Variants in ROBO2 observed in about 807,000 individuals in gnomAD.
ROBO2 encodes the protein roundabout guidance receptor 2, also known as roundabout homolog 2.
A neutral mutation model predicts 160.8 loss-of-function variants in ROBO2; 53 were observed. That is an observed-to-expected ratio of 0.33 (90% CI 0.26 to 0.41). ROBO2 has a LOEUF of 0.41. Ranked by LOEUF, ROBO2 falls within the 10% of genes least tolerant of loss-of-function variation. The probability of loss-of-function intolerance (pLI) is 1.00; values close to 1 mark genes in which losing one functional copy is unlikely to be tolerated. For synonymous variants in ROBO2, 664 were observed against 611.7 expected (o/e 1.09, Z -1.26); for missense variants, 1,577 against 1,722.4 (o/e 0.92, Z 1.49).
In ROBO2 at chr3:77,024,768, C is replaced by T. The variant is rs560529802; in HGVS notation, c.110-73246C>T. Among the ~76,000 whole-genome samples the T allele has an allele frequency of 2.6e-5, 4 of 152,226 alleles. 1 individual carries two copies. In the South Asian group the frequency reaches 8.3e-4, roughly 32 times the overall value. On this transcript the variant is annotated intron_variant, in intron 2 of 26. Transcript: ENST00000487694. ...TTTTATCACATGAATCTCAGTATGA[C>T]CATTCTCGAGCATTTTCGAATGTTA...
At chr3:77,173,063 A>G (rs972033000) in intron 2 of ROBO2, among the ~76,000 whole-genome samples, 4 of 152,224 alleles carry the variant, frequency 2.6e-5, no homozygotes, top group Non-Finnish European at 4.4e-5. Flanking sequence ...AAGGTAAATC[A>G]ACATGGCAGA....
intron 20 of ROBO2, among the ~76,000 whole-genome samples, chr3:77,607,186 T>A (rs993282315): frequency 6.6e-6 from 1 of 152,192 alleles, no homozygotes; most frequent in Non-Finnish European, 1.5e-5. Context: ...GATGTTATGC[T>A]TAAAATAGCT....
At chr3:77,404,896 G>A (rs2076135626) in intron 2 of ROBO2, among the ~76,000 whole-genome samples, 1 of 152,176 alleles carries the variant, frequency 6.6e-6, no homozygotes, top group African/African-American at 2.4e-5. Context: ...TATGTGCTGA[G>A]TAAAGCTCTA....
In ROBO2 at chr3:75,911,694, A is replaced by G. The variant is rs538714045; in HGVS notation, c.-14+4734A>G. 6.7e-5 allele frequency among the ~76,000 whole-genome samples: 10 copies of G among 150,312 alleles called. No individual in the cohort carries two copies. The South Asian group carries it at 2.1e-3, about 32-fold the overall frequency. On this transcript the variant is annotated intron_variant, in intron 1 of 26. Coordinates refer to the ROBO2 transcript ENST00000487694. ...TGCCTCAGCCTCCCGTGTAGCTGGG[A>G]CTACAGGCGCACGCCACCATGCCCG...
intron 2 of ROBO2, among the ~76,000 whole-genome samples, chr3:76,157,836 G>A (rs1451962436): frequency 6.6e-6 from 1 of 152,128 alleles, no homozygotes; most frequent in Non-Finnish European, 1.5e-5. Flanking sequence ...CCATTTCTAA[G>A]TTATAAATTC....
intron 2 of ROBO2, among the ~76,000 whole-genome samples, chr3:76,292,596 A>C (rs975686946): frequency 5.3e-5 from 8 of 152,186 alleles, no homozygotes. Flanking sequence ...AATGTGCTTC[A>C]TCCAATTGAA....
chr3:77,413,901 G>C (rs1039194679), intron 2 of ROBO2, among the ~76,000 whole-genome samples: 2 of 152,248 alleles, frequency 1.3e-5, no homozygotes, highest in South Asian at 2.1e-4. Context: ...TTGGATGCAT[G>C]AGTCCAAGGA....
At chr3:77,452,114 T>C (rs554082993) in intron 2 of ROBO2, among the ~76,000 whole-genome samples, 1 of 152,224 alleles carries the variant, frequency 6.6e-6, no homozygotes, top group East Asian at 1.9e-4. Context: ...TCTTTCCCCC[T>C]AGACAAAAAT....
chr3:76,498,683 C>CTTTTTTTTTTTTTTTTTTTATT (rs71101892), intron 2 of ROBO2, among the ~76,000 whole-genome samples: 1 of 130,844 alleles, frequency 7.6e-6, no homozygotes. Context: ...AGTTTGTCTG[C>CTTTTTTTTTTTTTTTTTTTATT]TTTTTTTTTT....
intron 2 of ROBO2, among the ~76,000 whole-genome samples, chr3:76,287,318 C>T (rs1260788175): frequency 1.4e-5 from 2 of 147,138 alleles, no homozygotes; most frequent in Admixed American, 1.4e-4. Flanking sequence ...TTTTTTGAGA[C>T]AGAGTCTCGC....
intron 2 of ROBO2, among the ~76,000 whole-genome samples, chr3:77,180,416 C>CTCTCTCTATATATATATATATATATATA (rs1433740534): frequency 2.1e-4 from 19 of 90,718 alleles, no homozygotes; most frequent in Non-Finnish European, 4.1e-4. Flanking sequence ...CTCTCTCTCT[C>CTCTCTCTATATATATATATATATATATA]TATATATATA....
At chr3:77,451,992 T>A (rs1243254944) in intron 2 of ROBO2, among the ~76,000 whole-genome samples, 3 of 152,104 alleles carry the variant, frequency 2.0e-5, no homozygotes, top group African/African-American at 7.2e-5. Flanking sequence ...ATTGTTCAAT[T>A]CCTACCTATG....
At chr3:76,567,628 T>TATATAC (rs2084619914) in intron 2 of ROBO2, among the ~76,000 whole-genome samples, 1 of 72,158 alleles carries the variant, frequency 1.4e-5, no homozygotes, top group Non-Finnish European at 2.9e-5. Flanking sequence ...CTGATATATA[T>TATATAC]ATATATATAT....
chr3:77,022,910 T>G (rs903048595), intron 2 of ROBO2, among the ~76,000 whole-genome samples: 2 of 152,210 alleles, frequency 1.3e-5, no homozygotes, highest in Non-Finnish European at 2.9e-5. Flanking sequence ...TTTTGTCTTC[T>G]GAAACTGAAA....
intron 6 of ROBO2, among the ~76,000 whole-genome samples, chr3:77,525,781 GTTTC>G (rs2091086575): frequency 6.8e-6 from 1 of 147,816 alleles, no homozygotes. Context: ...TCTCACCACA[GTTTC>G]TTTTTTTTTT....
chr3:76,603,344 AAAAAAAAATATATATATATATATAT>A (rs1369028714), intron 2 of ROBO2, among the ~76,000 whole-genome samples: 1 of 64,684 alleles, frequency 1.5e-5, no homozygotes, highest in Non-Finnish European at 3.1e-5. Context: ...AAAAAAAAAA[AAAAAAAAATATATATATATATATAT>A]ATATATATAT....
In ROBO2 at chr3:76,547,561, T is replaced by C. The variant is rs575194268; in HGVS notation, c.110-550453T>C. On this transcript the variant is annotated intron_variant, in intron 2 of 26. Coordinates refer to the ROBO2 transcript ENST00000487694. ...CAAGTTATAGATGTAAAATTATTAT[T>C]ATATTGTGTTTTTAAATTGAATATT... is the stretch of plus-strand genomic sequence containing the variant. 1.1e-4 allele frequency among the ~76,000 whole-genome samples: 17 copies of C among 152,216 alleles called. No homozygotes were observed. The South Asian group carries it at 2.9e-3, about 26-fold the overall frequency.
intron 2 of ROBO2, among the ~76,000 whole-genome samples, chr3:76,032,779 A>G (rs1011977745): frequency 3.9e-5 from 6 of 152,096 alleles, no homozygotes; most frequent in African/African-American, 1.4e-4. Flanking sequence ...CACTTCTTAC[A>G]TTTCTAATGT....
intron 2 of ROBO2, among the ~76,000 whole-genome samples, chr3:77,016,766 A>C (rs2149487907): frequency 6.6e-6 from 1 of 152,302 alleles, no homozygotes; most frequent in Admixed American, 6.5e-5. Context: ...CTGGAAGTAT[A>C]CGTCACTAAA....
Sources: gnomAD v4.1 joint callset for allele counts (sites outside exome capture counted in the v4.1 genomes callset) on GRCh38, gnomAD v4.1.1 for gene constraint, MANE v1.5 for transcripts, NCBI Gene and HGNC (gene_info 2026-07-23, HGNC 2026-07-21) for gene names.